Variants in MYCBP2 observed in about 807,000 individuals in gnomAD.
MYCBP2 encodes E3 ubiquitin-protein ligase MYCBP2.
In MYCBP2, 120 loss-of-function variants were observed where a neutral mutation model predicts 525.3. The ratio of observed to expected loss-of-function variants is 0.23; its 90% confidence interval spans 0.20 to 0.27. The LOEUF (loss-of-function observed/expected upper bound fraction) is 0.27. MYCBP2 is among the 10% of genes least tolerant of loss of function. The pLI is 1.00. For synonymous variants in MYCBP2, 1,894 were observed against 1,955.8 expected (o/e 0.97, Z 0.83); for missense variants, 4,149 against 5,657.1 (o/e 0.73, Z 8.55).
intron 58 of MYCBP2, among the ~76,000 whole-genome samples, chr13:77,094,773 G>A (rs1336584691): frequency 6.6e-6 from 1 of 152,018 alleles, no homozygotes; most frequent in Non-Finnish European, 1.5e-5. Context: ...GATTTCCTGG[G>A]GAAGATTCAG....
chr13:77,074,940 G>A (rs1460882908), intron 68 of MYCBP2, among the ~76,000 whole-genome samples: 1 of 152,194 alleles, frequency 6.6e-6, no homozygotes, highest in Non-Finnish European at 1.5e-5. Flanking sequence ...TGGGCATGGT[G>A]GCTCATATCT....
chr13:77,082,949 C>T (rs750137623), intron 63 of MYCBP2, 83 bp downstream of exon 63: 5 of 1,362,126 alleles, frequency 3.7e-6, no homozygotes, highest in Non-Finnish European at 4.0e-6. Flanking sequence ...ATTTAAAGAG[C>T]TTTTTTTGGA....
At chr13:77,169,395 C>CA (rs371575329) in intron 39 of MYCBP2, among the ~76,000 whole-genome samples, 1,752 of 32,852 alleles carry the variant, frequency 0.053, 55 homozygotes, top group African/African-American at 0.069. Context: ...GACTCCGTCT[C>CA]AAAAAAAAAA....
chr13:77,159,473 T>A (rs1307143822), intron 44 of MYCBP2, among the ~76,000 whole-genome samples: 1 of 152,160 alleles, frequency 6.6e-6, no homozygotes, highest in Non-Finnish European at 1.5e-5. Flanking sequence ...CCTGAAATTA[T>A]AAACCATATA....
chr13:77,070,573 A>G (rs528407232), intron 69 of MYCBP2, 58 bp downstream of exon 69: 2 of 1,079,412 alleles, frequency 1.9e-6, no homozygotes, highest in Non-Finnish European at 2.7e-6. Context: ...CAAACAAACA[A>G]ACACACACAC....
intron 18 of MYCBP2, among the ~76,000 whole-genome samples, chr13:77,228,043 A>G (rs1371956284): frequency 4.6e-5 from 7 of 151,992 alleles, no homozygotes; most frequent in Non-Finnish European, 1.5e-5. Context: ...TGGCAGAATT[A>G]AAATATATAT....
intron 26 of MYCBP2, among the ~76,000 whole-genome samples, chr13:77,202,654 T>C (rs1339603727): frequency 1.3e-5 from 2 of 151,864 alleles, no homozygotes; most frequent in African/African-American, 2.4e-5. Context: ...AATAAAATAC[T>C]GGCAAAACGA....
chr13:77,271,354 C>G (rs1208251313), intron 5 of MYCBP2, among the ~76,000 whole-genome samples: 1 of 152,184 alleles, frequency 6.6e-6, no homozygotes, highest in Non-Finnish European at 1.5e-5. Context: ...ATTTCAGTGT[C>G]TTTCAATACA....
intron 31 of MYCBP2, 89 bp downstream of exon 31, chr13:77,185,782 G>T: frequency 1.1e-6 from 1 of 933,306 alleles, no homozygotes. Context: ...TGCAGCTGGG[G>T]GGCATAAACT....
chr13:77,249,767 A>G (rs2070799570), intron 15 of MYCBP2, among the ~76,000 whole-genome samples: 1 of 152,190 alleles, frequency 6.6e-6, no homozygotes, highest in Non-Finnish European at 1.5e-5. Flanking sequence ...ATTGTTAAAA[A>G]ATAATCAGAG....
intron 26 of MYCBP2, among the ~76,000 whole-genome samples, chr13:77,197,206 G>A (rs1014080342): frequency 6.6e-6 from 1 of 152,090 alleles, no homozygotes; most frequent in Non-Finnish European, 1.5e-5. Context: ...TCTGACTGGA[G>A]TAGGCTCAAG....
intron 68 of MYCBP2, among the ~76,000 whole-genome samples, chr13:77,071,326 C>T (rs1035062166): frequency 2.4e-4 from 36 of 149,306 alleles, no homozygotes; most frequent in African/African-American, 8.6e-4. Flanking sequence ...ATCTAATCTT[C>T]GCAACAACCC....
chr13:77,123,480 C>T (rs2051110011), intron 54 of MYCBP2, among the ~76,000 whole-genome samples: 1 of 152,162 alleles, frequency 6.6e-6, no homozygotes, highest in Admixed American at 6.5e-5. Flanking sequence ...GCATGGAAGG[C>T]ATTTTGCATT....
intron 58 of MYCBP2, 30 bp downstream of exon 58, chr13:77,095,328 G>A (rs1330611346): frequency 4.3e-6 from 7 of 1,610,810 alleles, no homozygotes; most frequent in Non-Finnish European, 5.9e-6. Flanking sequence ...ATCCAAAGGT[G>A]ATTAAAAAAC....
chr13:77,299,263 G>C (rs1490888902), intron 1 of MYCBP2, among the ~76,000 whole-genome samples: 7 of 152,092 alleles, frequency 4.6e-5, no homozygotes, highest in Admixed American at 3.9e-4. Context: ...TTTATCTAAT[G>C]GAACTTCTTT....
chr13:77,253,837 T>G (rs1307582750), intron 14 of MYCBP2, among the ~76,000 whole-genome samples: 1 of 151,986 alleles, frequency 6.6e-6, no homozygotes, highest in Non-Finnish European at 1.5e-5. Flanking sequence ...GGTGAGAGTA[T>G]AAATTGTTAC....
In MYCBP2 at chr13:77,177,800, A is replaced by G; in HGVS notation, c.5288T>C (p.Val1763Ala). The change falls in exon 35 of 83, where the codon GTC becomes GCC. Residue 1763 changes from valine to alanine, a missense_variant. This residue lies in a region of MYCBP2 where 54 missense variants were observed against 117.0 expected (regional missense o/e 0.46). Coordinates refer to ENST00000544440, the MANE Select transcript of MYCBP2 (RefSeq NM_015057.5). ...TTCATGAATTCCACCTCCTCCATAG[A>G]CAGAGAAACCAACCACAACTATTCC... ...KPGIVVVGFSVYGGGGIHEYE... is the reference protein window; with the variant it reads ...KPGIVVVGFSAYGGGGIHEYE... 6.2e-7 allele frequency: 1 copy of G among 1,614,020 alleles called. No homozygotes were observed. The highest frequency in any genetic ancestry group is 8.5e-7 in the Non-Finnish European group (1 of 1,179,908).
chr13:77,071,237 G>GAA (rs1555305798), intron 68 of MYCBP2, among the ~76,000 whole-genome samples: 4 of 149,984 alleles, frequency 2.7e-5, no homozygotes, highest in African/African-American at 9.8e-5. Flanking sequence ...ATATGTGTGT[G>GAA]TATATATATA....
rs1345675923 is a variant in MYCBP2, at chr13:77,326,607, C to T, written c.169G>A (p.Ala57Thr). The stretch of plus-strand genomic sequence containing the variant: ...TGGTAGTGACCCCGGGAGTCCGCGG[C>T]GGGTAGCCCCAGCCCCAGCCCCGCA... ...AAAGLGLGLP[A>T]ADSRGHYQLL... Residue 57 changes from alanine (A) to threonine (T), a missense_variant, in exon 1 of 83, where the codon GCC (alanine) becomes ACC (threonine). Ala to Thr is a moderately conservative substitution (Grantham distance 58). Around this residue, in one of 21 missense-constraint regions of MYCBP2, gnomAD observed 413 missense variants for 451.2 expected, o/e 0.92. Transcript: ENST00000544440. The surrounding 1 kb of genome is among the most constrained non-coding windows in gnomAD (Gnocchi z 4.2). 1.9e-6 allele frequency: 3 copies of T among 1,579,676 alleles called. No individual in the cohort carries two copies. Among genetic ancestry groups the T allele is most frequent in the Admixed American group, 1.8e-5 (1 of 56,460 alleles).
Sources: allele counts gnomAD v4.1 joint callset (sites outside exome capture counted in the v4.1 genomes callset), GRCh38; gene constraint gnomAD v4.1.1; regional missense constraint gnomAD v4.1.1; non-coding constraint Gnocchi (gnomAD v3.1); transcripts MANE v1.5; gene names NCBI Gene and HGNC (gene_info 2026-07-23, HGNC 2026-07-21).